NANS: variants seen among roughly 807,000 people sequenced by gnomAD.
NANS encodes the protein N-acetylneuraminate synthase.
Under a neutral mutation model 33.3 loss-of-function variants are expected in NANS, and 29 were observed. The observed-to-expected ratio is 0.87, with a 90% CI of 0.65 to 1.19. The LOEUF (loss-of-function observed/expected upper bound fraction) is 1.19, where lower values mean the gene tolerates loss of function less well. Ranked by LOEUF, NANS falls within the 50% of genes most tolerant of loss-of-function variation. NANS has a pLI of 0.00. For synonymous variants in NANS, 163 were observed against 177.2 expected, an observed-to-expected ratio of 0.92 and a Z score of 0.64; for missense variants, 394 against 461.1, an observed-to-expected ratio of 0.85 and a Z score of 1.33.
intron 2 of NANS, among the ~76,000 whole-genome samples, chr9:98,066,979 A>G (rs1234567618): frequency 1.3e-5 from 2 of 152,124 alleles, no homozygotes; most frequent in African/African-American, 2.4e-5. Flanking sequence ...AAATTTGCCT[A>G]TTCTGGATAT....
chr9:98,068,787 C>T (rs1240273234), intron 2 of NANS, among the ~76,000 whole-genome samples: 1 of 150,324 alleles, frequency 6.7e-6, no homozygotes, highest in African/African-American at 2.5e-5. Flanking sequence ...CACCAGTGAA[C>T]TCCAGACTCC....
At chr9:98,061,991 C>G (rs978660753) in intron 2 of NANS, among the ~76,000 whole-genome samples, 2 of 151,556 alleles carry the variant, frequency 1.3e-5, no homozygotes, top group Non-Finnish European at 2.9e-5. Context: ...GGAGGCTGAG[C>G]TGGAAGGACT....
chr9:98,077,983 T>G, intron 3 of NANS: 1 of 609,682 alleles, frequency 1.6e-6, no homozygotes, highest in Non-Finnish European at 2.8e-6. Flanking sequence ...TCAAGAACAC[T>G]GTCGGGGGGC....
chr9:98,075,895 C>G (rs1277427760), intron 2 of NANS: 2 of 152,142 alleles, frequency 1.3e-5, no homozygotes, highest in Admixed American at 6.5e-5. Context: ...TATAATTTGA[C>G]AGCAAACTGA....
At chr9:98,077,995 G>T in intron 3 of NANS, 198 bp from the exon 4 acceptor site, 1 of 666,852 alleles carries the variant, frequency 1.5e-6, no homozygotes. Flanking sequence ...TCGGGGGGCA[G>T]AGGGGAGCCC....
rs397837187 is a variant in NANS, at chr9:98,065,483, ATTTTTTTTTTT to A, written c.348+4503_348+4513del. 9.7e-4 allele frequency among the ~76,000 whole-genome samples: 57 copies of A among 58,632 alleles called. 1 individual carries two copies. Among genetic ancestry groups the A allele is most frequent in the East Asian group, 5.3e-3 (13 of 2,468 alleles). 38.5% of individuals were successfully genotyped at this position (58,632 alleles called of 152,430 possible). On this transcript the variant is annotated intron_variant, in intron 2 of 5. Coordinates refer to ENST00000210444, the MANE Select transcript of NANS (RefSeq NM_018946.4). The stretch of plus-strand genomic sequence containing the variant: ...AGGCGTCCACCACCATGCCCAGCTA[ATTTTTTTTTTT>A]TTTTTTTTTTTTTTTTGTATTTTTA...
rs754766803 is a variant in NANS at position 98,064,860 on chromosome 9, C to T, written c.348+3863C>T. Among the ~76,000 whole-genome samples, 5 of 152,192 alleles carry T rather than the reference C, an allele frequency of 3.3e-5. No individual in the cohort carries two copies. In the East Asian group the frequency reaches 5.8e-4, roughly 18 times the overall value. Reference sequence around the variant, plus strand: ...GGAGAGTCTCCGCATGCACCACGCTCGGTACCAGTTCAAGACTGAAGTTGG... The same window carrying T: ...GGAGAGTCTCCGCATGCACCACGCTTGGTACCAGTTCAAGACTGAAGTTGG... On this transcript the variant is annotated intron_variant, in intron 2 of 5. Transcript: ENST00000210444.
chr9:98,067,110 A>G (rs1307507822), intron 2 of NANS, among the ~76,000 whole-genome samples: 1 of 152,168 alleles, frequency 6.6e-6, no homozygotes, highest in African/African-American at 2.4e-5. Flanking sequence ...TGACTAACTC[A>G]TAATTCAATT....
rs538972417 is a variant in NANS at position 98,070,715 on chromosome 9, TG to T, written c.349-6201del. ...GATTACAGGCATGAGCCATCGCGCC[TG>T]GTCACAATTTTAATTTTTAATTCAG... On this transcript the variant is annotated intron_variant, in intron 2 of 5. Coordinates refer to ENST00000210444, the MANE Select transcript of NANS (RefSeq NM_018946.4). Among the ~76,000 whole-genome samples the T allele has an allele frequency of 6.7e-3, 1,026 of 152,116 alleles. 4 individuals are homozygous for T. Among genetic ancestry groups the T allele is most frequent in the Non-Finnish European group, 0.011 (755 of 68,010 alleles).
chr9:98,080,706 T>C (rs2118018444), intron 4 of NANS, 110 bp from the exon 5 acceptor site: 4 of 1,260,686 alleles, frequency 3.2e-6, no homozygotes, highest in Non-Finnish European at 4.3e-6. Context: ...TGCCCCTGGC[T>C]GCACAGCTAG....
chr9:98,057,919 C>T (rs1399283243), intron 1 of NANS, among the ~76,000 whole-genome samples: 59 of 89,898 alleles, frequency 6.6e-4, no homozygotes, highest in Middle Eastern at 5.7e-3. Flanking sequence ...TTTTTTTTTC[C>T]TGGTTTTTTT....
chr9:98,065,891 A>G lies in NANS; in HGVS notation c.348+4894A>G, dbSNP rs937052971. Among the ~76,000 whole-genome samples, 5 of 152,092 alleles carry G rather than the reference A, an allele frequency of 3.3e-5. 1 individual carries two copies. The East Asian group carries it at 7.7e-4, about 23-fold the overall frequency. ...TCATTTTCTCTTGCTGCTGCCATGT[A>G]AGAAGTGCCTTTTGCCCCCCACCAT... On this transcript the variant is annotated intron_variant, in intron 2 of 5. Coordinates refer to ENST00000210444, the MANE Select transcript of NANS (RefSeq NM_018946.4).
intron 2 of NANS, among the ~76,000 whole-genome samples, chr9:98,074,107 C>T (rs766628531): frequency 3.9e-5 from 6 of 152,078 alleles, no homozygotes; most frequent in Non-Finnish European, 7.4e-5. Flanking sequence ...AGTTCTGAGT[C>T]GAATAAGTTT....
At chr9:98,064,399 G>A (rs376983766) in intron 2 of NANS, among the ~76,000 whole-genome samples, 3 of 151,924 alleles carry the variant, frequency 2.0e-5, no homozygotes, top group Non-Finnish European at 4.4e-5. Context: ...GATTACAGGC[G>A]CCTGCCACCA....
At chr9:98,069,074 G>A (rs531049334) in intron 2 of NANS, among the ~76,000 whole-genome samples, 2 of 152,258 alleles carry the variant, frequency 1.3e-5, no homozygotes, top group South Asian at 4.1e-4. Flanking sequence ...TGACCCACCA[G>A]TTGTCATTTG....
At chr9:98,062,950 T>G (rs1412468360) in intron 2 of NANS, among the ~76,000 whole-genome samples, 2 of 152,032 alleles carry the variant, frequency 1.3e-5, no homozygotes, top group Non-Finnish European at 2.9e-5. Context: ...TTATTTTATT[T>G]TTTTGAGATG....
intron 2 of NANS, chr9:98,076,628 G>T: frequency 2.9e-6 from 1 of 340,730 alleles, no homozygotes; most frequent in Non-Finnish European, 5.3e-6. Context: ...GCCCGCCTCG[G>T]CCTCCCAAAG....
chr9:98,070,033 C>T (rs993500617), intron 2 of NANS, among the ~76,000 whole-genome samples: 2 of 152,200 alleles, frequency 1.3e-5, no homozygotes, highest in Non-Finnish European at 2.9e-5. Flanking sequence ...TATAGTATCT[C>T]TCTGTGTTCT....
intron 3 of NANS, 56 bp downstream of exon 3, chr9:98,077,073 A>T: frequency 7.5e-7 from 1 of 1,335,764 alleles, no homozygotes; most frequent in Non-Finnish European, 1.0e-6. Flanking sequence ...TCATATTTTT[A>T]CTCCCCTCAT....
Sources: allele counts gnomAD v4.1 joint callset (sites outside exome capture counted in the v4.1 genomes callset), GRCh38; gene constraint gnomAD v4.1.1; transcripts MANE v1.5; gene names NCBI Gene and HGNC (gene_info 2026-07-23, HGNC 2026-07-21).